AKAP6: variants seen among roughly 807,000 people sequenced by gnomAD.
AKAP6 encodes A-kinase anchoring protein 6.
A neutral mutation model predicts 188.5 loss-of-function variants in AKAP6; 58 were observed. The observed-to-expected ratio is 0.31, with a 90% CI of 0.25 to 0.38. AKAP6 has a LOEUF of 0.38. Ranked by LOEUF, AKAP6 falls within the 10% of genes least tolerant of loss-of-function variation. The probability of loss-of-function intolerance (pLI) is 1.00; values close to 1 mark genes in which losing one functional copy is unlikely to be tolerated. For missense variants in AKAP6, 2,710 were observed against 2,740.0 expected (o/e 0.99, Z 0.24); for synonymous variants, 989 against 998.6 (o/e 0.99, Z 0.18).
chr14:32,599,384 T>C (rs1885831882), intron 5 of AKAP6, 26 bp from the exon 6 acceptor site: 1 of 1,592,268 alleles, frequency 6.3e-7, no homozygotes, highest in Non-Finnish European at 8.6e-7. Flanking sequence ...CTTGCCAGGG[T>C]TTAATGTTCA....
chr14:32,808,515 A>T (rs796784232), intron 12 of AKAP6, among the ~76,000 whole-genome samples: 2 of 152,350 alleles, frequency 1.3e-5, no homozygotes, highest in African/African-American at 4.8e-5. Flanking sequence ...CACCTCGTCT[A>T]AATTGATGCA....
At chr14:32,387,763 T>C (rs1888580191) in intron 1 of AKAP6, among the ~76,000 whole-genome samples, 1 of 151,532 alleles carries the variant, frequency 6.6e-6, no homozygotes, top group South Asian at 2.1e-4. Context: ...TGTTAAGGAT[T>C]GTAGCATCTA....
intron 4 of AKAP6, among the ~76,000 whole-genome samples, chr14:32,555,684 G>A (rs1883656808): frequency 6.6e-6 from 1 of 152,046 alleles, no homozygotes; most frequent in Admixed American, 6.6e-5. Context: ...CCTCTAAGTG[G>A]AATCATATAG....
chr14:32,331,770 G>A (rs181140552), intron 1 of AKAP6, among the ~76,000 whole-genome samples: 124 of 152,146 alleles, frequency 8.2e-4, no homozygotes, highest in African/African-American at 2.8e-3. Context: ...ACTTTCTACA[G>A]TTTAAGGAAT....
rs890730273 is a variant in AKAP6, at chr14:32,560,650, G to T, written c.2346+13651G>T. Among the ~76,000 whole-genome samples the T allele has an allele frequency of 2.0e-5, 3 of 152,258 alleles. No homozygotes were observed. The South Asian group carries it at 6.2e-4, about 32-fold the overall frequency. The stretch of plus-strand genomic sequence containing the variant: ...TAACAGTGCCTAACTGCATTTGATG[G>T]CAAATATTACTATCGTGATGAAACT... On this transcript the variant is annotated intron_variant, in intron 4 of 13. Coordinates refer to ENST00000280979, the MANE Select transcript of AKAP6 (RefSeq NM_004274.5).
chr14:32,504,714 C>G (rs539255914), intron 2 of AKAP6, among the ~76,000 whole-genome samples: 1 of 152,234 alleles, frequency 6.6e-6, no homozygotes, highest in South Asian at 2.1e-4. Context: ...CCTTTTTCTT[C>G]CCAATAGTTA....
rs1311690715 is a variant in AKAP6, at chr14:32,835,176, G to T, written c.*5371G>T. 1 of 152,044 alleles carries T rather than the reference G, an allele frequency of 6.6e-6. No homozygotes were observed. The highest frequency in any genetic ancestry group is 6.6e-5 in the Admixed American group (1 of 15,264). The allele number at this position is 152,044 out of a possible 1,614,324, so 9.4% of individuals were successfully genotyped here. A position where few individuals can be genotyped will look rare whatever the true frequency, so the allele number is the denominator to read the frequency against. ...ATTACAGAAAGTTTTCTGATCCCTG[G>T]TCTATGATATTCTAAATTCCGACAC... On this transcript the variant is annotated 3_prime_UTR_variant, in exon 14 of 14. Coordinates refer to ENST00000280979, the MANE Select transcript of AKAP6 (RefSeq NM_004274.5).
At chr14:32,518,389 A>T (rs1881635697) in intron 2 of AKAP6, among the ~76,000 whole-genome samples, 1 of 152,200 alleles carries the variant, frequency 6.6e-6, no homozygotes, top group Non-Finnish European at 1.5e-5. Context: ...GTAATAACAG[A>T]CTTCTCTGAG....
At chr14:32,363,740 C>T (rs573185773) in intron 1 of AKAP6, among the ~76,000 whole-genome samples, 83 of 152,316 alleles carry the variant, frequency 5.4e-4, no homozygotes, top group African/African-American at 2.0e-3. Flanking sequence ...CTCTCCTAGT[C>T]CACTGACTCA....
chr14:32,367,128 C>T (rs182671120), intron 1 of AKAP6, among the ~76,000 whole-genome samples: 1 of 152,268 alleles, frequency 6.6e-6, no homozygotes, highest in East Asian at 1.9e-4. Flanking sequence ...TGGACTGGCT[C>T]CCATGAATGA....
chr14:32,545,637 T>A lies in AKAP6; in HGVS notation c.984T>A (p.Ser328=), dbSNP rs762960252. ...QPGLTLGVSS[S]SGEALTNAAQ... ...GCTTAACACTGGGGGTGTCATCATC[T>A]TCAGGAGAAGCTCTGACAAATGCTG... Residue 328 remains serine, a synonymous_variant, in exon 4 of 14, where the codon TCT becomes TCA. Coordinates refer to ENST00000280979, the MANE Select transcript of AKAP6 (RefSeq NM_004274.5). The A allele has an allele frequency of 3.7e-6, 6 of 1,614,064 alleles. No homozygotes were observed. In the East Asian group the frequency reaches 1.3e-4, roughly 36 times the overall value.
At position 32,786,296 on chromosome 14, in the gene AKAP6, A is replaced by ATGTTTTTTTTTTTTTTTTTTTT; in HGVS notation, c.3588+12404_3588+12405insGTTTTTTTTTTTTTTTTTTTTT. Among the ~76,000 whole-genome samples, 764 of 93,542 alleles carry ATGTTTTTTTTTTTTTTTTTTTT rather than the reference A, an allele frequency of 8.2e-3. 247 individuals are homozygous for ATGTTTTTTTTTTTTTTTTTTTT. Among genetic ancestry groups the ATGTTTTTTTTTTTTTTTTTTTT allele is most frequent in the Middle Eastern group, 0.014 (2 of 140 alleles). 61.4% of individuals were successfully genotyped at this position (93,542 alleles called of 152,430 possible). ...AGCCCTCTGAAAGACCTAAACCTTT[A>ATGTTTTTTTTTTTTTTTTTTTT]TCTTTTTTTTTTTTTTTTTTTTTTT... On this transcript the variant is annotated intron_variant, in intron 12 of 13. Transcript: ENST00000280979.
chr14:32,515,501 G>C (rs959228916), intron 2 of AKAP6, among the ~76,000 whole-genome samples: 22 of 151,918 alleles, frequency 1.4e-4, no homozygotes, highest in African/African-American at 5.3e-4. Flanking sequence ...AAAACTTCTG[G>C]GTAACTAAAG....
intron 7 of AKAP6, among the ~76,000 whole-genome samples, chr14:32,614,153 A>G (rs1004941619): frequency 6.6e-6 from 1 of 152,164 alleles, no homozygotes; most frequent in African/African-American, 2.4e-5. Context: ...AATAAATTTG[A>G]TATTCTAAGT....
At chr14:32,734,826 A>T (rs971287280) in intron 10 of AKAP6, among the ~76,000 whole-genome samples, 6 of 152,134 alleles carry the variant, frequency 3.9e-5, no homozygotes, top group Middle Eastern at 3.2e-3. Flanking sequence ...TTGTTGACTT[A>T]ATTTTATTTA....
intron 7 of AKAP6, among the ~76,000 whole-genome samples, chr14:32,676,810 T>A (rs987472351): frequency 6.6e-6 from 1 of 152,154 alleles, no homozygotes; most frequent in African/African-American, 2.4e-5. Flanking sequence ...CTGGAATGGT[T>A]TGAGACCTCA....
At chr14:32,750,592 G>A (rs1033656968) in intron 11 of AKAP6, among the ~76,000 whole-genome samples, 1 of 151,896 alleles carries the variant, frequency 6.6e-6, no homozygotes, top group Admixed American at 6.6e-5. Context: ...TTATCTAAGT[G>A]TGGTGGTGGG....
Position 32,824,311 on chromosome 14 carries a change from A to G in AKAP6, c.6498A>G (p.Gly2166=). The G allele has an allele frequency of 6.2e-7, 1 of 1,613,808 alleles. No individual in the cohort carries two copies. Among genetic ancestry groups the G allele is most frequent in the African/African-American group, 1.3e-5 (1 of 75,020 alleles). ...FEACVEGDSD[G]EEPCFSSAPP... ...CCTGTGTTGAGGGTGACTCTGATGGAGAGGAGCCTTGTTTCTCTAGTGCTC... is the reference window on the plus strand; with the variant it reads ...CCTGTGTTGAGGGTGACTCTGATGGGGAGGAGCCTTGTTTCTCTAGTGCTC... Residue 2166 remains glycine, a synonymous_variant, in exon 13 of 14, where the codon GGA becomes GGG. Transcript: ENST00000280979.
Position 32,821,585 on chromosome 14 carries a change from G to A in AKAP6, c.3772G>A (p.Asp1258Asn). ...SLKLGETSNE[D>N]PGYDEEADNH... ...GAAGCTTGGAGAGACAAGTAATGAG[G>A]ACCCTGGTTATGACGAGGAGGCTGA... Residue 1258 changes from aspartate (D) to asparagine (N), a missense_variant, in exon 13 of 14, where the codon GAC (aspartate) becomes AAC (asparagine). Physicochemically the swap from Asp to Asn is conservative, Grantham distance 23 (BLOSUM62 1). Coordinates refer to ENST00000280979, the MANE Select transcript of AKAP6 (RefSeq NM_004274.5). The A allele has an allele frequency of 1.2e-6, 2 of 1,613,622 alleles. No homozygotes were observed. The highest frequency in any genetic ancestry group is 1.1e-5 in the South Asian group (1 of 91,066).
Sources: gnomAD v4.1 joint callset for allele counts (sites outside exome capture counted in the v4.1 genomes callset) on GRCh38, gnomAD v4.1.1 for gene constraint, MANE v1.5 for transcripts, NCBI Gene and HGNC (gene_info 2026-07-23, HGNC 2026-07-21) for gene names.